The following USP31 variants were observed in gnomAD, a reference collection of about 807,000 sequenced individuals.
USP31 encodes the protein ubiquitin specific peptidase 31.
A neutral mutation model predicts 119.4 loss-of-function variants in USP31; 44 were observed. The observed-to-expected ratio is 0.37, with a 90% CI of 0.29 to 0.47. The LOEUF (loss-of-function observed/expected upper bound fraction) is 0.47. Ranked by LOEUF, USP31 falls within the 20% of genes least tolerant of loss-of-function variation. The pLI is 0.99. For synonymous variants in USP31, 749 were observed against 705.6 expected (o/e 1.06, Z -0.97); for missense variants, 1,643 against 1,730.2 (o/e 0.95, Z 0.89).
chr16:23,105,447 A>C lies in USP31; in HGVS notation c.1083T>G (p.Thr361=). The C allele has an allele frequency of 6.2e-7, 1 of 1,613,360 alleles. No individual in the cohort carries two copies. The highest frequency in any genetic ancestry group is 8.5e-7 in the Non-Finnish European group (1 of 1,179,718). The stretch of plus-strand genomic sequence containing the variant: ...GTCTTAGCAGACTTATTACCTGATC[A>C]GTGGGGATCTTTGTTTCCATAGACA... ...EAVSMETKIP[T]DQIVLTEMYY... is the part of the protein sequence containing the mutation. The change falls in exon 5 of 16, where the codon ACT becomes ACG. Residue 361 remains threonine, a synonymous_variant. Transcript: ENST00000219689.
intron 5 of USP31, among the ~76,000 whole-genome samples, chr16:23,103,922 C>CCATA (rs879916674): frequency 7.2e-4 from 109 of 152,182 alleles, no homozygotes; most frequent in African/African-American, 2.1e-3. Flanking sequence ...CTCAATCAAT[C>CCATA]CATACATACA....
chr16:23,129,755 T>C (rs1596732204), intron 1 of USP31, among the ~76,000 whole-genome samples: 1 of 152,204 alleles, frequency 6.6e-6, no homozygotes, highest in Admixed American at 6.5e-5. Flanking sequence ...CATGGTTCCA[T>C]GTAAAATGTT....
At chr16:23,146,695 A>C (rs1400013361) in intron 1 of USP31, among the ~76,000 whole-genome samples, 2 of 152,154 alleles carry the variant, frequency 1.3e-5, no homozygotes, top group Non-Finnish European at 2.9e-5. Flanking sequence ...AAAGTATTAA[A>C]CGGGGAGAGA....
At position 23,148,640 on chromosome 16, in the gene USP31, T is replaced by C. The variant is rs1023017828; in HGVS notation, c.631A>G (p.Lys211Glu). Residue 211 changes from lysine to glutamate, a missense_variant and splice_region_variant, in exon 1 of 16, where the codon AAG becomes GAG. Physicochemically the swap from Lys to Glu is moderately conservative, Grantham distance 56. Coordinates refer to ENST00000219689, the MANE Select transcript of USP31 (RefSeq NM_020718.4). ...EYTPQHSRDF[K>E]TIVSKNALQY... ...GGCGCGGCGGCGCGCGGGCTCACCT[T>C]GAAGTCGCGGCTGTGCTGCGGGGTG... 6 of 1,475,542 alleles carry C rather than the reference T, an allele frequency of 4.1e-6. No individual in the cohort carries two copies. Among genetic ancestry groups the C allele is most frequent in the Non-Finnish European group, 5.4e-6 (6 of 1,119,502 alleles). The allele number at this position is 1,475,542 out of a possible 1,614,324, so 91.4% of individuals were successfully genotyped here. A position where few individuals can be genotyped will look rare whatever the true frequency, so the allele number is the denominator to read the frequency against.
chr16:23,102,249 C>A, intron 6 of USP31, 70 bp downstream of exon 6: 1 of 1,503,652 alleles, frequency 6.7e-7, no homozygotes, highest in Non-Finnish European at 8.9e-7. Flanking sequence ...ATATAATAGA[C>A]AACTAAAAAG....
rs756336600 is a variant in USP31 at position 23,065,664 on chromosome 16, A to G, written c.*2382T>C. 6.6e-6 allele frequency: 1 copy of G among 152,446 alleles called. No homozygotes were observed. The highest frequency in any genetic ancestry group is 1.5e-5 in the Non-Finnish European group (1 of 68,000). The allele number at this position is 152,446 out of a possible 1,614,324, so 9.4% of individuals were successfully genotyped here. On this transcript the variant is annotated 3_prime_UTR_variant, in exon 16 of 16. Transcript: ENST00000219689. Reference sequence around the variant, plus strand: ...ACACTGACATTTTATTCCAGATCCCATGGAAAACCAAAGGGATTTGTAGAA... The same window carrying G: ...ACACTGACATTTTATTCCAGATCCCGTGGAAAACCAAAGGGATTTGTAGAA...
At position 23,079,858 on chromosome 16, in the gene USP31, T is replaced by C. The variant is rs557124340; in HGVS notation, c.2176+88A>G. The C allele has an allele frequency of 1.8e-5, 23 of 1,265,158 alleles. 1 individual carries two copies. In the South Asian group the frequency reaches 2.7e-4, roughly 15 times the overall value. 78.4% of individuals were successfully genotyped at this position (1,265,158 alleles called of 1,614,324 possible). ...GGCACACTGCCTACCGGAGGGGAAA[T>C]GAGGCTCTAAAGTCAAGTCACCCTG... On this transcript the variant is annotated intron_variant, in intron 13 of 15. Coordinates refer to ENST00000219689, the MANE Select transcript of USP31 (RefSeq NM_020718.4).
chr16:23,121,764 TTC>T (rs1902676671), intron 1 of USP31, among the ~76,000 whole-genome samples: 1 of 152,138 alleles, frequency 6.6e-6, no homozygotes, highest in South Asian at 2.1e-4. Context: ...GTACCACACA[TTC>T]TTAACAATGC....
At chr16:23,131,799 TA>T (rs1421491375) in intron 1 of USP31, among the ~76,000 whole-genome samples, 2 of 152,140 alleles carry the variant, frequency 1.3e-5, no homozygotes, top group Non-Finnish European at 2.9e-5. Flanking sequence ...TATTGTTTCT[TA>T]AATCTCCTGA....
intron 1 of USP31, among the ~76,000 whole-genome samples, chr16:23,114,471 A>G (rs1039457327): frequency 6.6e-5 from 10 of 151,666 alleles, no homozygotes; most frequent in African/African-American, 1.5e-4. Context: ...AAAAAAAAAG[A>G]AAGTTTCAAC....
In USP31 at chr16:23,075,131, G is replaced by A. The variant is rs190615322; in HGVS notation, c.2177-1251C>T. ...GAGAGCAGAATAAGGACCTATGAACGGAGGCAGGGAAGTTATTTGCAGCTG... is the reference window on the plus strand; with the variant it reads ...GAGAGCAGAATAAGGACCTATGAACAGAGGCAGGGAAGTTATTTGCAGCTG... On this transcript the variant is annotated intron_variant, in intron 13 of 15. Coordinates refer to ENST00000219689, the MANE Select transcript of USP31 (RefSeq NM_020718.4). Among the ~76,000 whole-genome samples, 36 of 152,328 alleles carry A rather than the reference G, an allele frequency of 2.4e-4. No individual in the cohort carries two copies. The East Asian group carries it at 4.6e-3, about 20-fold the overall frequency.
At chr16:23,102,500 GA>G (rs552428706) in intron 5 of USP31, 37 bp from the exon 6 acceptor site, 616 of 1,586,050 alleles carry the variant, frequency 3.9e-4, no homozygotes, top group Non-Finnish European at 5.1e-4. Context: ...TGGGTAACTG[GA>G]AATTCGATAC....
chr16:23,069,491 T>C lies in USP31; in HGVS notation c.2614A>G (p.Lys872Glu), dbSNP rs1900257681. 1 of 1,614,080 alleles carries C rather than the reference T, an allele frequency of 6.2e-7. No individual in the cohort carries two copies. Among genetic ancestry groups the C allele is most frequent in the Non-Finnish European group, 8.5e-7 (1 of 1,180,040 alleles). ...GGAGAATTGGAGCGCATCTGCAGCT[T>C]AGCAGACAGGGACCATGAAGGTCTC... ...CMRPSWSLSAKLQMRSNSPSR... is the reference protein window; with the variant it reads ...CMRPSWSLSAELQMRSNSPSR... The change falls in exon 16 of 16, where the codon AAG becomes GAG. Residue 872 changes from lysine (K) to glutamate (E), a missense_variant. By Grantham distance (56) the Lys-to-Glu change is moderately conservative (BLOSUM62 1). Coordinates refer to ENST00000219689, the MANE Select transcript of USP31 (RefSeq NM_020718.4).
At chr16:23,130,429 T>C (rs1200210519) in intron 1 of USP31, among the ~76,000 whole-genome samples, 1 of 151,604 alleles carries the variant, frequency 6.6e-6, no homozygotes, top group Non-Finnish European at 1.5e-5. Flanking sequence ...CCAACTAATA[T>C]TTTTTAATAT....
rs1903279343 is a variant in USP31 at position 23,139,188 on chromosome 16, A to C, written c.633+9450T>G. ...GAGGCCGAGGCGGGTGGACCACCTG[A>C]GGTCAGGAGTTCGAGACCACCCTGG... is the stretch of plus-strand genomic sequence containing the variant. On this transcript the variant is annotated intron_variant, in intron 1 of 15. Transcript: ENST00000219689. Among the ~76,000 whole-genome samples the C allele has an allele frequency of 2.0e-5, 3 of 152,172 alleles. No homozygotes were observed. In the South Asian group the frequency reaches 6.2e-4, roughly 31 times the overall value.
At chr16:23,079,841 G>T in intron 13 of USP31, 105 bp downstream of exon 13, 1 of 1,085,732 alleles carries the variant, frequency 9.2e-7, no homozygotes, top group Non-Finnish European at 1.3e-6. Context: ...TTGGCACACT[G>T]CCTACCGGAG....
chr16:23,073,944 A>C, intron 13 of USP31, 64 bp from the exon 14 acceptor site: 1 of 1,606,928 alleles, frequency 6.2e-7, no homozygotes, highest in Non-Finnish European at 8.5e-7. Flanking sequence ...TGCGACCCAC[A>C]GACACCATCT....
intron 1 of USP31, among the ~76,000 whole-genome samples, chr16:23,147,060 A>AG (rs1258793050): frequency 6.6e-6 from 1 of 151,528 alleles, no homozygotes; most frequent in East Asian, 1.9e-4. Flanking sequence ...AGATTAGGAT[A>AG]GGAAAAAAAA....
chr16:23,133,043 T>C (rs940635245), intron 1 of USP31, among the ~76,000 whole-genome samples: 2 of 152,180 alleles, frequency 1.3e-5, no homozygotes, highest in Admixed American at 6.5e-5. Context: ...CTATGAAGCA[T>C]GTGACTGCCC....
Sources: gnomAD v4.1 joint callset for allele counts (sites outside exome capture counted in the v4.1 genomes callset) on GRCh38, gnomAD v4.1.1 for gene constraint, MANE v1.5 for transcripts, NCBI Gene and HGNC (gene_info 2026-07-23, HGNC 2026-07-21) for gene names.